Variants in NTN1 observed in about 807,000 individuals in gnomAD.
NTN1 encodes the protein netrin 1.
NTN1 carries 11 observed loss-of-function variants against 54.2 expected under a neutral mutation model. The ratio of observed to expected loss-of-function variants is 0.20; its 90% CI spans 0.13 to 0.34. NTN1 has a LOEUF of 0.34. Ranked by LOEUF, NTN1 falls within the 10% of genes least tolerant of loss-of-function variation. The probability of loss-of-function intolerance (pLI) is 1.00; values close to 1 mark genes in which losing one functional copy is unlikely to be tolerated. For synonymous variants in NTN1, 371 were observed against 382.0 expected (o/e 0.97, Z 0.33); for missense variants, 740 against 893.1 (o/e 0.83, Z 2.18).
chr17:9,069,212 CT>C (rs903539258), intron 2 of NTN1, among the ~76,000 whole-genome samples: 7 of 145,448 alleles, frequency 4.8e-5, no homozygotes, highest in African/African-American at 1.3e-4. Context: ...AAATTGGAAC[CT>C]TTTAGACACC....
At chr17:9,140,353 G>A (rs942173518) in intron 2 of NTN1, among the ~76,000 whole-genome samples, 2 of 152,194 alleles carry the variant, frequency 1.3e-5, no homozygotes, top group African/African-American at 4.8e-5. Context: ...CAGAACGGGT[G>A]CTTTGCCTCT....
At chr17:9,201,468 G>T (rs1282715841) in intron 5 of NTN1, among the ~76,000 whole-genome samples, 1 of 152,222 alleles carries the variant, frequency 6.6e-6, no homozygotes, top group Admixed American at 6.5e-5. Context: ...AGAGGGCTCT[G>T]AATTAACCCT....
At chr17:9,222,216 A>G (rs531518532) in intron 6 of NTN1, among the ~76,000 whole-genome samples, 1 of 152,316 alleles carries the variant, frequency 6.6e-6, no homozygotes, top group East Asian at 1.9e-4. Flanking sequence ...GAAAGTCCAC[A>G]TCTGCCCACC....
chr17:9,119,463 C>T (rs1192524236), intron 2 of NTN1, among the ~76,000 whole-genome samples: 6 of 151,854 alleles, frequency 4.0e-5, no homozygotes. Context: ...GCTGGGATTA[C>T]AGGCGTGAGC....
intron 2 of NTN1, among the ~76,000 whole-genome samples, chr17:9,145,488 G>C (rs969706582): frequency 6.6e-6 from 1 of 152,226 alleles, no homozygotes; most frequent in Admixed American, 6.5e-5. Context: ...AGCTGGGGGA[G>C]AAGAAAGGGC....
At chr17:9,208,046 A>G (rs1045337602) in intron 5 of NTN1, among the ~76,000 whole-genome samples, 7 of 152,284 alleles carry the variant, frequency 4.6e-5, no homozygotes, top group Admixed American at 6.5e-5. Flanking sequence ...AGCCTGGCCA[A>G]TATGGTGAAA....
At chr17:9,055,854 T>C (rs1334443880) in intron 2 of NTN1, among the ~76,000 whole-genome samples, 2 of 152,130 alleles carry the variant, frequency 1.3e-5, no homozygotes, top group Non-Finnish European at 2.9e-5. Context: ...CCAGAGTAGC[T>C]GGGACTACAG....
At chr17:9,157,578 G>A (rs1054445211) in intron 2 of NTN1, among the ~76,000 whole-genome samples, 2 of 152,190 alleles carry the variant, frequency 1.3e-5, no homozygotes, top group African/African-American at 4.8e-5. Context: ...GGGGCCTCTC[G>A]CCCTCCTATC....
intron 2 of NTN1, among the ~76,000 whole-genome samples, chr17:9,098,610 A>C (rs555685048): frequency 6.6e-6 from 1 of 152,308 alleles, no homozygotes; most frequent in Admixed American, 6.5e-5. Flanking sequence ...TATGATCTGG[A>C]CTGGAGCAGA....
At chr17:9,158,363 CAGG>C (rs2142295082) in intron 2 of NTN1, among the ~76,000 whole-genome samples, 1 of 152,210 alleles carries the variant, frequency 6.6e-6, no homozygotes, top group African/African-American at 2.4e-5. Context: ...CTGGAAAATG[CAGG>C]AGAAGGACAT....
chr17:9,007,026 C>T, the NTN1 span, among the ~76,000 whole-genome samples: 16 of 152,380 alleles, frequency 1.1e-4, no homozygotes, highest in African/African-American at 3.6e-4. Context: ...CGGGGCCTGA[C>T]AGTAAGTGCT....
chr17:9,062,878 TA>T (rs201844467), intron 2 of NTN1, among the ~76,000 whole-genome samples: 3 of 151,130 alleles, frequency 2.0e-5, no homozygotes, highest in Non-Finnish European at 3.0e-5. Flanking sequence ...CGCCCTTAAG[TA>T]AAAAAAAATA....
intron 3 of NTN1, among the ~76,000 whole-genome samples, chr17:9,170,820 C>T (rs917641109): frequency 6.6e-6 from 1 of 152,022 alleles, no homozygotes; most frequent in Non-Finnish European, 1.5e-5. Context: ...TGCTCCTGCC[C>T]CACTGTGTCG....
intron 6 of NTN1, among the ~76,000 whole-genome samples, chr17:9,224,579 G>C (rs935070088): frequency 1.6e-4 from 25 of 152,232 alleles, no homozygotes; most frequent in Non-Finnish European, 3.7e-4. Context: ...TACCCAGCCA[G>C]GGAGTGGCCC....
At chr17:9,078,657 A>G (rs538361456) in intron 2 of NTN1, among the ~76,000 whole-genome samples, 6 of 152,256 alleles carry the variant, frequency 3.9e-5, no homozygotes, top group Middle Eastern at 3.4e-3. Flanking sequence ...CCTGGGCCTA[A>G]CCTCTGGGCA....
intron 2 of NTN1, among the ~76,000 whole-genome samples, chr17:9,114,729 A>G (rs1259268377): frequency 1.3e-5 from 2 of 152,182 alleles, no homozygotes; most frequent in African/African-American, 4.8e-5. Flanking sequence ...ACTCCAGCCT[A>G]GGCAACAGAG....
chr17:9,154,656 C>A (rs1395404663), intron 2 of NTN1, among the ~76,000 whole-genome samples: 1 of 152,176 alleles, frequency 6.6e-6, no homozygotes, highest in Admixed American at 6.5e-5. Flanking sequence ...CTCAGAAAAA[C>A]ACACTGGAGG....
intron 2 of NTN1, among the ~76,000 whole-genome samples, chr17:9,111,744 G>T (rs1270925226): frequency 6.6e-6 from 1 of 152,108 alleles, no homozygotes; most frequent in Non-Finnish European, 1.5e-5. Flanking sequence ...CTAGAGAAAA[G>T]AAAATGTTAT....
At chr17:9,097,360 C>T (rs569777229) in intron 2 of NTN1, among the ~76,000 whole-genome samples, 1 of 152,174 alleles carries the variant, frequency 6.6e-6, no homozygotes, top group East Asian at 1.9e-4. Context: ...CGCGGTGGCT[C>T]AAGCCTATAA....
Sources: allele counts gnomAD v4.1 joint callset (sites outside exome capture counted in the v4.1 genomes callset), GRCh38; gene constraint gnomAD v4.1.1; transcripts MANE v1.5; gene names NCBI Gene and HGNC (gene_info 2026-07-23, HGNC 2026-07-21).